TMEM50B: variants seen among roughly 807,000 people sequenced by gnomAD.
TMEM50B encodes the protein HCV p7-trans-regulated protein 3.
TMEM50B carries 14 observed loss-of-function variants against 23.4 expected under a neutral mutation model. The observed-to-expected ratio is 0.60, with a 90% CI of 0.39 to 0.93. TMEM50B has a LOEUF of 0.93. TMEM50B is among the 40% of genes least tolerant of loss of function. TMEM50B has a pLI of 0.00. For synonymous variants in TMEM50B, 64 were observed against 62.3 expected (o/e 1.03, Z -0.13); for missense variants, 159 against 193.0 (o/e 0.82, Z 1.04).
At chr21:33,436,900 G>A in intron 8 of TMEM50B, 2 of 1,613,998 alleles carry the variant, frequency 1.2e-6, no homozygotes. Flanking sequence ...TGACGTCTGG[G>A]ACTCTGTGTC....
At chr21:33,432,684 A>G in exon 9 of TMEM50B, 1 of 1,611,700 alleles carries the variant, frequency 6.2e-7, no homozygotes, top group Non-Finnish European at 8.5e-7. Flanking sequence ...TAGGAAGATC[A>G]TTCTGTTCAC....
intron 8 of TMEM50B, among the ~76,000 whole-genome samples, chr21:33,434,847 T>C (rs1220147535): frequency 6.6e-6 from 1 of 152,172 alleles, no homozygotes; most frequent in Non-Finnish European, 1.5e-5. Flanking sequence ...CTCTCTCTCC[T>C]GGTAGAACTA....
rs753482438 is a variant in TMEM50B at position 33,460,397 on chromosome 21, A to G, written c.373+16T>C. On this transcript the variant is annotated intron_variant, in intron 5 of 6. Transcript: ENST00000542230. Reference sequence around the variant, plus strand: ...CTGAATCTCTCCTATAAAATACAAGAAGAATATATACTTACTTTGGGTAAC... The same window carrying G: ...CTGAATCTCTCCTATAAAATACAAGGAGAATATATACTTACTTTGGGTAAC... 1 of 1,497,302 alleles carries G rather than the reference A, an allele frequency of 6.7e-7. No homozygotes were observed. The allele number at this position is 1,497,302 out of a possible 1,614,324, so 92.8% of individuals were successfully genotyped here.
downstream of TMEM50B, among the ~76,000 whole-genome samples, chr21:33,444,958 C>T (rs913284371): frequency 3.3e-5 from 5 of 151,582 alleles, no homozygotes; most frequent in Admixed American, 3.3e-4. Context: ...TGGTGAAACC[C>T]CATCTCTACA....
At chr21:33,458,618 G>A (rs189584843) in intron 5 of TMEM50B, among the ~76,000 whole-genome samples, 154 of 152,324 alleles carry the variant, frequency 1.0e-3, no homozygotes, top group African/African-American at 3.6e-3. Flanking sequence ...GGGAGTGACT[G>A]CTAATGGGTA....
intron 6 of TMEM50B, among the ~76,000 whole-genome samples, chr21:33,455,227 A>G (rs1006253166): frequency 1.3e-5 from 2 of 152,260 alleles, no homozygotes; most frequent in South Asian, 4.1e-4. Context: ...GTCTCACTCT[A>G]TTGCCCAGGC....
At chr21:33,473,694 CCTAT>C (rs768913240) in intron 1 of TMEM50B, among the ~76,000 whole-genome samples, 6 of 151,508 alleles carry the variant, frequency 4.0e-5, no homozygotes, top group Admixed American at 6.6e-5. Flanking sequence ...CAATTCTACT[CCTAT>C]CTAACTACCC....
At chr21:33,460,668 A>T (rs1207139701) in intron 4 of TMEM50B, among the ~76,000 whole-genome samples, 163 bp from the exon 5 acceptor site, 1 of 29,578 alleles carries the variant, frequency 3.4e-5, no homozygotes, top group Middle Eastern at 0.014. Flanking sequence ...ATGATGATTT[A>T]AAAAAAAAAC....
At chr21:33,447,886 G>A (rs2084079022), downstream of TMEM50B, among the ~76,000 whole-genome samples, 1 of 152,170 alleles carries the variant, frequency 6.6e-6, no homozygotes, top group South Asian at 2.1e-4. Context: ...GACAGCTTGA[G>A]AACCTTAGTA....
chr21:33,441,992 C>G (rs2084012767), intron 7 of TMEM50B, among the ~76,000 whole-genome samples: 1 of 137,936 alleles, frequency 7.2e-6, no homozygotes, highest in South Asian at 2.3e-4. Context: ...TTCCCCAGCT[C>G]TATTTGTCAG....
At chr21:33,433,124 G>A (rs2083906666) in intron 8 of TMEM50B, among the ~76,000 whole-genome samples, 1 of 152,120 alleles carries the variant, frequency 6.6e-6, no homozygotes, top group Admixed American at 6.6e-5. Flanking sequence ...GACCTCAAGT[G>A]ATCCACCCAC....
chr21:33,450,892 G>A, intron 6 of TMEM50B, 29 bp from the exon 7 acceptor site: 2 of 1,594,130 alleles, frequency 1.3e-6, no homozygotes, highest in Middle Eastern at 1.7e-4. Context: ...AAATCATGAG[G>A]AAAAAACCGA....
At chr21:33,443,853 C>T (rs973701761) in intron 7 of TMEM50B, among the ~76,000 whole-genome samples, 3 of 117,792 alleles carry the variant, frequency 2.5e-5, no homozygotes, top group African/African-American at 7.7e-5. Flanking sequence ...AAAATGTTAA[C>T]TTCTGGGAAT....
At chr21:33,460,283 A>G (rs2084205480) in intron 5 of TMEM50B, 130 bp downstream of exon 5, 1 of 687,624 alleles carries the variant, frequency 1.5e-6, no homozygotes. Context: ...AAACTCATGT[A>G]TCTTCACACA....
intron 8 of TMEM50B, chr21:33,436,840 C>A: frequency 6.2e-7 from 1 of 1,614,032 alleles, no homozygotes. Flanking sequence ...TTTAAAAGAC[C>A]CAACTCAGCC....
At chr21:33,472,491 C>A (rs1317762456) in intron 1 of TMEM50B, among the ~76,000 whole-genome samples, 1 of 152,006 alleles carries the variant, frequency 6.6e-6, no homozygotes, top group African/African-American at 2.4e-5. Flanking sequence ...AATTTAGAGA[C>A]CTGAGGAACA....
chr21:33,446,517 G>A (rs2084056650), downstream of TMEM50B, among the ~76,000 whole-genome samples: 2 of 151,058 alleles, frequency 1.3e-5, no homozygotes, highest in Admixed American at 1.3e-4. Context: ...GAGTACAGGC[G>A]AGAGCCGCTG....
intron 1 of TMEM50B, among the ~76,000 whole-genome samples, chr21:33,474,799 AAAAT>A (rs1316110912): frequency 5.6e-5 from 5 of 89,412 alleles, no homozygotes; most frequent in Non-Finnish European, 8.3e-5. Context: ...AATAAAAATA[AAAAT>A]AAATAAATAA....
intron 7 of TMEM50B, among the ~76,000 whole-genome samples, chr21:33,441,447 G>T (rs182972072): frequency 2.6e-5 from 4 of 152,232 alleles, no homozygotes; most frequent in Admixed American, 6.5e-5. Context: ...AGGAAAAAAT[G>T]AGGATTAGAT....
Sources: allele counts gnomAD v4.1 joint callset (sites outside exome capture counted in the v4.1 genomes callset), GRCh38; gene constraint gnomAD v4.1.1; transcripts MANE v1.5; gene names NCBI Gene and HGNC (gene_info 2026-07-23, HGNC 2026-07-21).